ANKRD62: variants seen among roughly 807,000 people sequenced by gnomAD.
ANKRD62 encodes ankyrin repeat domain-containing protein 62.
ANKRD62 carries 61 observed loss-of-function variants against 98.8 expected under a neutral mutation model. That is an observed-to-expected ratio of 0.62 (90% CI 0.50 to 0.76). The LOEUF (loss-of-function observed/expected upper bound fraction) is 0.76, where lower values mean the gene tolerates loss of function less well. ANKRD62 is among the 30% of genes least tolerant of loss of function. The pLI is 0.00. For synonymous variants in ANKRD62, 341 were observed against 367.9 expected (o/e 0.93, Z 0.84); for missense variants, 933 against 1,082.9 (o/e 0.86, Z 1.94).
At chr18:12,114,237 C>T (rs972913566) in intron 8 of ANKRD62, among the ~76,000 whole-genome samples, 6 of 151,940 alleles carry the variant, frequency 3.9e-5, no homozygotes, top group East Asian at 1.9e-4. Flanking sequence ...AACAAAACCC[C>T]GTGACACAAG....
the ANKRD62 span, among the ~76,000 whole-genome samples, chr18:12,156,881 C>G: frequency 6.6e-6 from 1 of 152,098 alleles, no homozygotes; most frequent in Non-Finnish European, 1.5e-5. Flanking sequence ...AGTATTTTCC[C>G]TCTAAATTTT....
At chr18:12,112,400 C>G (rs905924859) in intron 8 of ANKRD62, among the ~76,000 whole-genome samples, 1 of 151,992 alleles carries the variant, frequency 6.6e-6, no homozygotes, top group Admixed American at 6.6e-5. Context: ...AATAGAGAAC[C>G]CAGAAATATG....
intron 7 of ANKRD62, among the ~76,000 whole-genome samples, chr18:12,107,013 A>G (rs3923383): frequency 0.29 from 43,767 of 152,050 alleles, 7,263 homozygotes; most frequent in Middle Eastern, 0.39. Context: ...GTGAAAATGT[A>G]TATTAGACAG....
chr18:12,131,790 C>T (rs1910009808), downstream of ANKRD62, among the ~76,000 whole-genome samples: 1 of 151,960 alleles, frequency 6.6e-6, no homozygotes, highest in Non-Finnish European at 1.5e-5. Flanking sequence ...GGTTTCTGGA[C>T]TCTGTTCTGT....
In ANKRD62 at chr18:12,107,446, A is replaced by G; in HGVS notation, c.1043A>G (p.Lys348Arg). The change falls in exon 8 of 14, where the codon AAG (lysine) becomes AGG (arginine). Residue 348 changes from lysine (K) to arginine (R), a missense_variant. Transcript: ENST00000587848. ...RKPDNHQSPG[K>R]ENGEFDRLAR... ...CCTGATAATCATCAATCTCCTGGGA[A>G]GGAGAATGGCGAGTTTGATAGGTAA... 6.6e-7 allele frequency: 1 copy of G among 1,507,410 alleles called. No homozygotes were observed. The highest frequency in any genetic ancestry group is 8.8e-7 in the Non-Finnish European group (1 of 1,133,426). The allele number at this position is 1,507,410 out of a possible 1,614,324, so 93.4% of individuals were successfully genotyped here.
At position 12,122,528 on chromosome 18, in the gene ANKRD62, T is replaced by C; in HGVS notation, c.1454+12T>C. The C allele has an allele frequency of 6.7e-7, 1 of 1,499,244 alleles. No individual in the cohort carries two copies. Among genetic ancestry groups the C allele is most frequent in the South Asian group, 1.3e-5 (1 of 77,512 alleles). The allele number at this position is 1,499,244 out of a possible 1,614,324, so 92.9% of individuals were successfully genotyped here. On this transcript the variant is annotated intron_variant, in intron 11 of 13. Transcript: ENST00000587848. The stretch of plus-strand genomic sequence containing the variant: ...CTCTGTAATTTGAGGTATCACATTC[T>C]AGTTTTAAAGAAATATTTCAACTAT...
chr18:12,163,625 G>A, the ANKRD62 span, among the ~76,000 whole-genome samples: 10 of 152,188 alleles, frequency 6.6e-5, no homozygotes, highest in South Asian at 2.1e-3. Context: ...TCTTCATTTA[G>A]TATGATACTA....
the ANKRD62 span, among the ~76,000 whole-genome samples, chr18:12,176,050 G>A: frequency 6.6e-6 from 1 of 151,462 alleles, no homozygotes; most frequent in Non-Finnish European, 1.5e-5. Flanking sequence ...AAATTGGCCG[G>A]GCATGGTGGC....
rs1396962001 is a variant in ANKRD62 at position 12,095,462 on chromosome 18, G to C, written c.359G>C (p.Cys120Ser). 1.3e-6 allele frequency: 2 copies of C among 1,575,510 alleles called. No individual in the cohort carries two copies. Among genetic ancestry groups the C allele is most frequent in the Non-Finnish European group, 1.7e-6 (2 of 1,165,746 alleles). The change falls in exon 3 of 14, where the codon TGT becomes TCT. Residue 120 changes from cysteine (C) to serine (S), a missense_variant. Physicochemically the swap from Cys to Ser is moderately radical, Grantham distance 112. Coordinates refer to ENST00000587848, the MANE Select transcript of ANKRD62 (RefSeq NM_001277333.2). ...GCTGTACAATGTCAAGAAGAAGTTTGTGCATCCATCCTGCTGGAACATGGC... is the reference window on the plus strand; with the variant it reads ...GCTGTACAATGTCAAGAAGAAGTTTCTGCATCCATCCTGCTGGAACATGGC... ...IKAVQCQEEV[C>S]ASILLEHGAN...
chr18:12,166,679 T>C, the ANKRD62 span, among the ~76,000 whole-genome samples: 65 of 152,148 alleles, frequency 4.3e-4, no homozygotes, highest in Admixed American at 1.2e-3. Flanking sequence ...TAAATGGTCT[T>C]GATACTTGTA....
At chr18:12,123,346 C>T (rs1296597910) in intron 11 of ANKRD62, among the ~76,000 whole-genome samples, 1 of 152,212 alleles carries the variant, frequency 6.6e-6, no homozygotes. Flanking sequence ...AGCAACCACG[C>T]CTGGCCCAGT....
In ANKRD62 at chr18:12,094,014, C is replaced by T; in HGVS notation, c.-4C>T. The T allele has an allele frequency of 6.5e-7, 1 of 1,534,844 alleles. No homozygotes were observed. Among genetic ancestry groups the T allele is most frequent in the Non-Finnish European group, 8.7e-7 (1 of 1,146,724 alleles). On this transcript the variant is annotated 5_prime_UTR_variant, in exon 1 of 14. Transcript: ENST00000587848. The stretch of plus-strand genomic sequence containing the variant: ...CAGCCTGGGAGAAGATCTCTGGCTT[C>T]AGGATGGAGGTCAGGGGGTCGTTCC...
chr18:12,120,667 T>C (rs1336926664), intron 10 of ANKRD62, among the ~76,000 whole-genome samples: 1 of 152,232 alleles, frequency 6.6e-6, no homozygotes, highest in Non-Finnish European at 1.5e-5. Context: ...GTCATTGTGC[T>C]GTTTGATTGC....
intron 12 of ANKRD62, 86 bp from the exon 13 acceptor site, chr18:12,125,374 C>A: frequency 8.1e-7 from 1 of 1,228,052 alleles, no homozygotes; most frequent in Non-Finnish European, 1.1e-6. Context: ...TATAAACGTA[C>A]AGGTTATTAC....
chr18:12,114,341 A>G (rs901236194), intron 8 of ANKRD62, among the ~76,000 whole-genome samples: 1 of 152,246 alleles, frequency 6.6e-6, no homozygotes, highest in South Asian at 2.1e-4. Flanking sequence ...AGATTCAGAC[A>G]TTATTACTTA....
At chr18:12,132,683 A>T (rs954906279), downstream of ANKRD62, among the ~76,000 whole-genome samples, 1 of 152,110 alleles carries the variant, frequency 6.6e-6, no homozygotes, top group Non-Finnish European at 1.5e-5. Flanking sequence ...TTATTTTTTT[A>T]ATGAAAAATG....
the ANKRD62 span, among the ~76,000 whole-genome samples, chr18:12,139,672 G>T: frequency 2.6e-5 from 4 of 151,886 alleles, no homozygotes; most frequent in African/African-American, 7.3e-5. Flanking sequence ...TTGAGTATTG[G>T]CCCCCACTCT....
At chr18:12,172,954 G>A in the ANKRD62 span, among the ~76,000 whole-genome samples, 2 of 152,194 alleles carry the variant, frequency 1.3e-5, no homozygotes, top group Non-Finnish European at 2.9e-5. Flanking sequence ...AAGACCATAG[G>A]AAAAGCGCAG....
chr18:12,099,653 G>C lies in ANKRD62; in HGVS notation c.791G>C (p.Arg264Thr). The C allele has an allele frequency of 6.7e-7, 1 of 1,497,646 alleles. No individual in the cohort carries two copies. The highest frequency in any genetic ancestry group is 8.9e-7 in the Non-Finnish European group (1 of 1,125,588). The allele number at this position is 1,497,646 out of a possible 1,614,324, so 92.8% of individuals were successfully genotyped here. A position where few individuals can be genotyped will look rare whatever the true frequency, so the allele number is the denominator to read the frequency against. ...ATTTCTGAATATAAAGCAAACAAGA[G>C]ATGTAAAAGTCTTCAAAATAGCAAT... Reference protein sequence around the residue: ...GMISEYKANKRCKSLQNSNSE... With the variant: ...GMISEYKANKTCKSLQNSNSE... Residue 264 changes from arginine to threonine, a missense_variant, in exon 6 of 14, where the codon AGA becomes ACA. Around this residue, in one of 3 missense-constraint regions of ANKRD62, gnomAD observed 549 missense variants for 587.9 expected, o/e 0.93. Transcript: ENST00000587848.
Sources: allele counts gnomAD v4.1 joint callset (sites outside exome capture counted in the v4.1 genomes callset), GRCh38; gene constraint gnomAD v4.1.1; regional missense constraint gnomAD v4.1.1; transcripts MANE v1.5; gene names NCBI Gene and HGNC (gene_info 2026-07-23, HGNC 2026-07-21).